Variants in EPHA6 observed in about 807,000 individuals in gnomAD.
EPHA6 encodes EPH receptor A6.
Under a neutral mutation model 112.0 loss-of-function variants are expected in EPHA6, and 50 were observed. That is an observed-to-expected ratio of 0.45 (90% CI 0.36 to 0.56). The LOEUF (loss-of-function observed/expected upper bound fraction) is 0.56. Ranked by LOEUF, EPHA6 falls within the 20% of genes least tolerant of loss-of-function variation. The pLI is 0.00. For synonymous variants in EPHA6, 529 were observed against 490.7 expected (o/e 1.08, Z -1.03); for missense variants, 1,280 against 1,417.4 (o/e 0.90, Z 1.56).
At chr3:97,411,113 G>T (rs148860345) in intron 6 of EPHA6, among the ~76,000 whole-genome samples, 1 of 151,066 alleles carries the variant, frequency 6.6e-6, no homozygotes, top group African/African-American at 2.4e-5. Flanking sequence ...GTGAGCATTT[G>T]GTACTAATTA....
rs141763479 is a variant in EPHA6 at position 97,508,984 on chromosome 3, CTTTTTTTTTTTTTTTTTTTTTTTTT to C, written c.2201-23360_2201-23336del. 2.2e-4 allele frequency among the ~76,000 whole-genome samples: 5 copies of C among 22,332 alleles called. 1 individual carries two copies. The highest frequency in any genetic ancestry group is 1.8e-3 in the South Asian group (1 of 562). The allele number at this position is 22,332 out of a possible 152,430, so 14.7% of individuals were successfully genotyped here. A position where few individuals can be genotyped will look rare whatever the true frequency, so the allele number is the denominator to read the frequency against. ...TCAGAGACTAGGATTGCATCCCTGGCTTTTTTTTTTTTTTTTTTTTTTTTTTTTTTTTTTTTTTGCTTTCCATTTG... is the reference window on the plus strand; with the variant it reads ...TCAGAGACTAGGATTGCATCCCTGGCTTTTTTTTTTTTTGCTTTCCATTTG... On this transcript the variant is annotated intron_variant, in intron 10 of 17. Coordinates refer to ENST00000389672, the MANE Select transcript of EPHA6 (RefSeq NM_001080448.3).
chr3:97,504,198 T>C (rs554099783), intron 10 of EPHA6, among the ~76,000 whole-genome samples: 37 of 152,286 alleles, frequency 2.4e-4, no homozygotes, highest in Non-Finnish European at 3.8e-4. Context: ...TGCACCACAA[T>C]GTAGCAGTCT....
chr3:97,046,272 C>G (rs1350139320), intron 3 of EPHA6, among the ~76,000 whole-genome samples: 1 of 152,112 alleles, frequency 6.6e-6, no homozygotes, highest in Admixed American at 6.5e-5. Flanking sequence ...GATATTTTAA[C>G]ATAAAATCTT....
chr3:97,017,190 AAG>A (rs1369639546), intron 3 of EPHA6, among the ~76,000 whole-genome samples: 1 of 152,204 alleles, frequency 6.6e-6, no homozygotes, highest in East Asian at 1.9e-4. Context: ...ATATTACTGA[AAG>A]AGGCACTGGA....
At chr3:97,048,089 A>G (rs1231108934) in intron 3 of EPHA6, among the ~76,000 whole-genome samples, 1 of 152,244 alleles carries the variant, frequency 6.6e-6, no homozygotes, top group Non-Finnish European at 1.5e-5. Context: ...TATGGAACAT[A>G]TAAATAATTC....
chr3:97,053,706 T>G (rs1298918903), intron 3 of EPHA6, among the ~76,000 whole-genome samples: 1 of 152,122 alleles, frequency 6.6e-6, no homozygotes, highest in African/African-American at 2.4e-5. Context: ...TTATTTATAT[T>G]TCTTACAGAA....
intron 3 of EPHA6, among the ~76,000 whole-genome samples, chr3:97,119,528 GA>G (rs1472192461): frequency 6.6e-6 from 1 of 151,870 alleles, no homozygotes; most frequent in Non-Finnish European, 1.5e-5. Context: ...CAAAGCCGCA[GA>G]AACTTCAGGT....
intron 2 of EPHA6, among the ~76,000 whole-genome samples, chr3:96,945,488 T>C (rs2107701744): frequency 6.6e-6 from 1 of 152,318 alleles, no homozygotes; most frequent in South Asian, 2.1e-4. Flanking sequence ...TACTCAAATA[T>C]GTTGCATGTG....
rs1173631854 is a variant in EPHA6, at chr3:97,363,214, AT to A, written c.1607-41935del. ...TATATATATATATATATATATATAT[AT>A]ATATATATATATATATATATATAAA... On this transcript the variant is annotated intron_variant, in intron 5 of 17. Transcript: ENST00000389672. Among the ~76,000 whole-genome samples the A allele has an allele frequency of 1.2e-3, 92 of 74,854 alleles. 4 individuals carry two copies. Among genetic ancestry groups the A allele is most frequent in the African/African-American group, 7.8e-3 (89 of 11,356 alleles). 49.1% of individuals were successfully genotyped at this position (74,854 alleles called of 152,430 possible). A position where few individuals can be genotyped will look rare whatever the true frequency, so the allele number is the denominator to read the frequency against.
At chr3:97,581,034 C>A (rs769069552) in intron 11 of EPHA6, among the ~76,000 whole-genome samples, 14 of 152,204 alleles carry the variant, frequency 9.2e-5, no homozygotes, top group South Asian at 2.1e-4. Context: ...GGAATAGCAT[C>A]CCTAGCTATG....
chr3:96,911,520 A>G (rs1483123135), intron 2 of EPHA6, among the ~76,000 whole-genome samples: 1 of 152,088 alleles, frequency 6.6e-6, no homozygotes, highest in African/African-American at 2.4e-5. Flanking sequence ...CATGGAATAC[A>G]GTAGGGAATG....
At chr3:96,966,066 T>C (rs936248158) in intron 2 of EPHA6, among the ~76,000 whole-genome samples, 3 of 152,152 alleles carry the variant, frequency 2.0e-5, no homozygotes, top group Admixed American at 2.0e-4. Context: ...AGTAAGACAA[T>C]TATTAATTTA....
intron 6 of EPHA6, among the ~76,000 whole-genome samples, chr3:97,414,236 A>G (rs1043556610): frequency 5.9e-5 from 9 of 152,110 alleles, no homozygotes; most frequent in Admixed American, 5.2e-4. Flanking sequence ...GATTTGTATT[A>G]CTTAATATAT....
intron 15 of EPHA6, among the ~76,000 whole-genome samples, chr3:97,728,014 A>C (rs1277978259): frequency 1.3e-5 from 2 of 151,926 alleles, no homozygotes; most frequent in Non-Finnish European, 2.9e-5. Context: ...TATTTTCATA[A>C]AAAATTAATT....
intron 2 of EPHA6, among the ~76,000 whole-genome samples, chr3:96,980,725 T>C (rs956053634): frequency 2.0e-5 from 3 of 152,184 alleles, no homozygotes; most frequent in African/African-American, 7.2e-5. Context: ...TGTTATTTCA[T>C]TGAGCAGTGG....
intron 6 of EPHA6, among the ~76,000 whole-genome samples, chr3:97,429,506 T>A (rs151273569): frequency 5.3e-5 from 8 of 152,332 alleles, no homozygotes; most frequent in Non-Finnish European, 5.9e-5. Context: ...TGTTCTTTTT[T>A]AAATATCACA....
intron 5 of EPHA6, among the ~76,000 whole-genome samples, chr3:97,369,944 AG>A (rs1410285683): frequency 6.6e-6 from 1 of 152,202 alleles, no homozygotes; most frequent in Non-Finnish European, 1.5e-5. Flanking sequence ...GCTTTTAAAA[AG>A]CAGAATTCTT....
At chr3:97,720,908 T>C (rs2034499681) in intron 15 of EPHA6, among the ~76,000 whole-genome samples, 1 of 152,238 alleles carries the variant, frequency 6.6e-6, no homozygotes, top group Non-Finnish European at 1.5e-5. Flanking sequence ...GTTTTGTTTC[T>C]ATTTTATCTA....
chr3:97,069,485 A>G (rs2046286704), intron 3 of EPHA6, among the ~76,000 whole-genome samples: 1 of 152,124 alleles, frequency 6.6e-6, no homozygotes, highest in Admixed American at 6.6e-5. Flanking sequence ...TGAAACCCTA[A>G]GGGTGTTGCA....
Sources: gnomAD v4.1 joint callset for allele counts (sites outside exome capture counted in the v4.1 genomes callset) on GRCh38, gnomAD v4.1.1 for gene constraint, MANE v1.5 for transcripts, NCBI Gene and HGNC (gene_info 2026-07-23, HGNC 2026-07-21) for gene names.